Variants in ASTL observed in about 807,000 individuals in gnomAD.
The protein encoded by ASTL is astacin like metalloendopeptidase.
Under a neutral mutation model 36.7 loss-of-function variants are expected in ASTL, and 27 were observed. The ratio of observed to expected loss-of-function variants is 0.73; its 90% CI spans 0.54 to 1.01. The LOEUF (loss-of-function observed/expected upper bound fraction) is 1.01, where lower values mean the gene tolerates loss of function less well. Ranked by LOEUF, ASTL falls within the 50% of genes least tolerant of loss-of-function variation. ASTL has a pLI of 0.00. For missense variants in ASTL, 524 were observed against 572.8 expected (o/e 0.91, Z 0.87); for synonymous variants, 222 against 228.1 (o/e 0.97, Z 0.24).
rs1682010204 is a variant in ASTL, at chr2:96,123,992, T to C, written c.1154A>G (p.Gln385Arg). ...GGTGGACACTCCGGCCAGCCAGGAC[T>C]GCTCCTGAGCAACACCGGGGGCACC... ...GAGAPGVAQE[Q>R]SWLAGVSTKP... The change falls in exon 9 of 9, where the codon CAG (glutamine) becomes CGG (arginine). Residue 385 changes from glutamine (Q) to arginine (R), a missense_variant. Physicochemically the swap from Gln to Arg is conservative, Grantham distance 43. Coordinates refer to ENST00000342380, the MANE Select transcript of ASTL (RefSeq NM_001002036.4). 3 of 1,613,924 alleles carry C rather than the reference T, an allele frequency of 1.9e-6. No homozygotes were observed. Among genetic ancestry groups the C allele is most frequent in the Admixed American group, 1.7e-5 (1 of 59,990 alleles).
intron 8 of ASTL, among the ~76,000 whole-genome samples, 173 bp downstream of exon 8, chr2:96,129,651 C>T (rs1334852852): frequency 1.3e-5 from 2 of 152,208 alleles, no homozygotes; most frequent in Non-Finnish European, 1.5e-5. Context: ...ACAGTTGAGT[C>T]ATAGTGAGTG....
At chr2:96,135,518 T>C in intron 2 of ASTL, 106 bp from the exon 3 acceptor site, 4 of 939,830 alleles carry the variant, frequency 4.3e-6, no homozygotes, top group Non-Finnish European at 6.6e-6. Context: ...GTGTCTTTCC[T>C]AGTGGATTGT....
At chr2:96,133,830 G>T (rs1380620681) in intron 4 of ASTL, 135 bp downstream of exon 4, 14 of 702,476 alleles carry the variant, frequency 2.0e-5, no homozygotes, top group Non-Finnish European at 3.6e-5. Flanking sequence ...CAACAGAAGG[G>T]CATCTGTGGA....
In ASTL at chr2:96,132,537, C is replaced by T. The variant is rs1395159407; in HGVS notation, c.637+3G>A. ...AGCCTGTCCTGCGTGTGGCCTGGCT[C>T]ACCTGGCAGGATCTCGTTCCAGTTG... On this transcript the variant is annotated splice_donor_region_variant and intron_variant, in intron 6 of 8. Coordinates refer to ENST00000342380, the MANE Select transcript of ASTL (RefSeq NM_001002036.4). This position sits in a 1 kb window ranked among gnomAD's most constrained non-coding sequence, Gnocchi z 5.4. 4 of 1,590,084 alleles carry T rather than the reference C, an allele frequency of 2.5e-6. No homozygotes were observed. The highest frequency in any genetic ancestry group is 2.6e-6 in the Non-Finnish European group (3 of 1,162,108).
At chr2:96,128,054 G>A (rs1682098351) in intron 8 of ASTL, among the ~76,000 whole-genome samples, 1 of 151,924 alleles carries the variant, frequency 6.6e-6, no homozygotes, top group Admixed American at 6.6e-5. Flanking sequence ...CCAACATGGT[G>A]AAACCCCATC....
intron 8 of ASTL, among the ~76,000 whole-genome samples, chr2:96,126,595 C>T (rs1042977484): frequency 2.6e-5 from 4 of 152,156 alleles, no homozygotes; most frequent in Non-Finnish European, 5.9e-5. Flanking sequence ...CAGTGGCTCA[C>T]ACCTGTAATC....
intron 2 of ASTL, 25 bp downstream of exon 2, chr2:96,137,550 C>T: frequency 6.2e-7 from 1 of 1,609,044 alleles, no homozygotes; most frequent in East Asian, 2.2e-5. Flanking sequence ...CCCCTCCAGG[C>T]CGTGAGAAGA....
Position 96,129,984 on chromosome 2 carries a change from A to G in ASTL, c.720-6T>C. On this transcript the variant is annotated splice_region_variant and splice_polypyrimidine_tract_variant and intron_variant, in intron 7 of 8. Transcript: ENST00000342380. The stretch of plus-strand genomic sequence containing the variant: ...CACGCCGGCTGAAGGCGAGCCTGGA[A>G]CCCAGCGGGAGACCCCTGAGTCCAG... 6.2e-7 allele frequency: 1 copy of G among 1,605,542 alleles called. No homozygotes were observed. The highest frequency in any genetic ancestry group is 8.5e-7 in the Non-Finnish European group (1 of 1,173,020).
chr2:96,138,099 A>G (rs957872032), intron 1 of ASTL, among the ~76,000 whole-genome samples: 1 of 152,080 alleles, frequency 6.6e-6, no homozygotes, highest in African/African-American at 2.4e-5. Context: ...TCCCTGCCTG[A>G]CCAGGCTGGA....
At position 96,123,813 on chromosome 2, in the gene ASTL, A is replaced by G. The variant is rs775138055; in HGVS notation, c.*37T>C. On this transcript the variant is annotated 3_prime_UTR_variant, in exon 9 of 9. Coordinates refer to ENST00000342380, the MANE Select transcript of ASTL (RefSeq NM_001002036.4). ...TAGACGACCCAGCTCCACTGGGCAG[A>G]GGATGCCCTCCCTACTTGGGGACAG... is the stretch of plus-strand genomic sequence containing the variant. 1 of 1,576,824 alleles carries G rather than the reference A, an allele frequency of 6.3e-7. No individual in the cohort carries two copies. Among genetic ancestry groups the G allele is most frequent in the Admixed American group, 1.7e-5 (1 of 58,866 alleles).
intron 3 of ASTL, 64 bp downstream of exon 3, chr2:96,135,282 GTGGGC>G (rs1682270414): frequency 7.5e-6 from 10 of 1,338,894 alleles, no homozygotes; most frequent in Admixed American, 1.8e-5. Context: ...GGCATCCAGG[GTGGGC>G]TCAGAGGACC....
Position 96,124,143 on chromosome 2 carries a change from C to T in ASTL, c.1003G>A (p.Val335Ile), listed in dbSNP as rs199510888. The change falls in exon 9 of 9, where the codon GTT (valine) becomes ATT (isoleucine). Residue 335 changes from valine to isoleucine, a missense_variant. By Grantham distance (29) the Val-to-Ile change is conservative. Transcript: ENST00000342380. The surrounding 1 kb of genome is among the most constrained non-coding windows in gnomAD (Gnocchi z 4.1). ...GGGCTCTCCCCAGGCCCTGCAGGAA[C>T]GGGCTGGCCTCCCGCACTGGAACCA... Reference protein sequence around the residue: ...PSGSSAGGQPVPAGPGESPHG... With the variant: ...PSGSSAGGQPIPAGPGESPHG... The T allele has an allele frequency of 1.8e-5, 29 of 1,570,780 alleles. No individual in the cohort carries two copies. The highest frequency in any genetic ancestry group is 3.4e-4 in the Middle Eastern group (2 of 5,862).
In ASTL at chr2:96,132,230, G is replaced by A. The variant is rs537054734; in HGVS notation, c.637+310C>T. Among the ~76,000 whole-genome samples the A allele has an allele frequency of 5.4e-4, 83 of 152,348 alleles. No individual in the cohort carries two copies. The highest frequency in any genetic ancestry group is 1.8e-3 in the African/African-American group (76 of 41,576). On this transcript the variant is annotated intron_variant, in intron 6 of 8. Coordinates refer to ENST00000342380, the MANE Select transcript of ASTL (RefSeq NM_001002036.4). This position sits in a 1 kb window ranked among gnomAD's most constrained non-coding sequence, Gnocchi z 5.4. ...GAGTACTCAACAAGCAGGTATCATG[G>A]GCACTGCCTGCCCCATCGCCAGGGA...
chr2:96,124,056 G>C lies in ASTL; in HGVS notation c.1090C>G (p.Gln364Glu). The C allele has an allele frequency of 3.1e-6, 5 of 1,613,852 alleles. No homozygotes were observed. Among genetic ancestry groups the C allele is most frequent in the Non-Finnish European group, 4.2e-6 (5 of 1,179,906 alleles). Reference protein sequence around the residue: ...LSAEASARQPQTLASSPRSRP... With the variant: ...LSAEASARQPETLASSPRSRP... ...GATCTTGGGGAGGAAGCTAGGGTCT[G>C]AGGCTGCCTTGCCGAGGCCTCTGCA... Residue 364 changes from glutamine (Q) to glutamate (E), a missense_variant, in exon 9 of 9, where the codon CAG (glutamine) becomes GAG (glutamate). Coordinates refer to ENST00000342380, the MANE Select transcript of ASTL (RefSeq NM_001002036.4). The surrounding 1 kb of genome is among the most constrained non-coding windows in gnomAD (Gnocchi z 4.1).
Position 96,136,709 on chromosome 2 carries a change from G to T in ASTL, c.181+866C>A, listed in dbSNP as rs116385772. Among the ~76,000 whole-genome samples, 895 of 152,262 alleles carry T rather than the reference G, an allele frequency of 5.9e-3. 11 individuals are homozygous for T. Among genetic ancestry groups the T allele is most frequent in the African/African-American group, 0.021 (864 of 41,532 alleles). ...GGCAAGGTTGTCCCCTGTTCAGCCC[G>T]ATTGCTTCAACCCTGAGTGCTTCAG... On this transcript the variant is annotated intron_variant, in intron 2 of 8. Coordinates refer to ENST00000342380, the MANE Select transcript of ASTL (RefSeq NM_001002036.4).
intron 8 of ASTL, among the ~76,000 whole-genome samples, chr2:96,128,678 A>AT (rs1682109547): frequency 1.3e-5 from 2 of 152,254 alleles, no homozygotes; most frequent in Non-Finnish European, 1.5e-5. Context: ...AAGACGTTTC[A>AT]TGAACTAGAT....
chr2:96,133,541 A>C lies in ASTL; in HGVS notation c.339T>G (p.Asp113Glu). The change falls in exon 5 of 9, where the codon GAT becomes GAG. Residue 113 changes from aspartate (D) to glutamate (E), a missense_variant and splice_region_variant. Coordinates refer to ENST00000342380, the MANE Select transcript of ASTL (RefSeq NM_001002036.4). ...EVPFLLSSKY[D>E]EPSRQVILEA... Reference sequence around the variant, plus strand: ...CCAGGATGACCTGGCGGCTGGGCTCATCTGGAAGACACCACCTGGCTGAGC... The same window carrying C: ...CCAGGATGACCTGGCGGCTGGGCTCCTCTGGAAGACACCACCTGGCTGAGC... 1.9e-6 allele frequency: 3 copies of C among 1,612,420 alleles called. No individual in the cohort carries two copies. The highest frequency in any genetic ancestry group is 2.5e-6 in the Non-Finnish European group (3 of 1,178,422).
rs1250544145 is a variant in ASTL at position 96,123,117 on chromosome 2, C to T, written c.*733G>A. ...TCCTGGAGGAGGACAAGCCAGGTAA[C>T]CCCAGCCCTTTCTCCTTCCAAGGCT... On this transcript the variant is annotated 3_prime_UTR_variant, in exon 9 of 9. Transcript: ENST00000342380. Among the ~76,000 whole-genome samples, 2 of 152,236 alleles carry T rather than the reference C, an allele frequency of 1.3e-5. No individual in the cohort carries two copies. The highest frequency in any genetic ancestry group is 2.4e-5 in the African/African-American group (1 of 41,466).
At chr2:96,130,724 C>T (rs1573913003) in intron 6 of ASTL, among the ~76,000 whole-genome samples, 1 of 152,208 alleles carries the variant, frequency 6.6e-6, no homozygotes, top group East Asian at 1.9e-4. Context: ...GCCAGCCACG[C>T]ATACACGCCA....
Sources: allele counts gnomAD v4.1 joint callset (sites outside exome capture counted in the v4.1 genomes callset), GRCh38; gene constraint gnomAD v4.1.1; non-coding constraint Gnocchi (gnomAD v3.1); transcripts MANE v1.5; gene names NCBI Gene and HGNC (gene_info 2026-07-23, HGNC 2026-07-21).